Variants in STAU2 observed in about 807,000 individuals in gnomAD.
The protein encoded by STAU2 is staufen double-stranded RNA binding protein 2, also known as double-stranded RNA-binding protein Staufen homolog 2.
Under a neutral mutation model 65.9 loss-of-function variants are expected in STAU2, and 20 were observed. The ratio of observed to expected loss-of-function variants is 0.30; its 90% CI spans 0.21 to 0.44. STAU2 has a LOEUF of 0.44. Among genes scored for constraint, STAU2 ranks in the 20% least tolerant of loss-of-function variants. The pLI is 1.00. For synonymous variants in STAU2, 232 were observed against 233.9 expected, an observed-to-expected ratio of 0.99 and a Z score of 0.07; for missense variants, 558 against 683.9, an observed-to-expected ratio of 0.82 and a Z score of 2.05.
chr8:73,508,509 T>C (rs1284029983), intron 13 of STAU2, among the ~76,000 whole-genome samples: 1 of 152,128 alleles, frequency 6.6e-6, no homozygotes, highest in Non-Finnish European at 1.5e-5. Flanking sequence ...TGATCACAGA[T>C]TACCATAACA....
intron 13 of STAU2, among the ~76,000 whole-genome samples, chr8:73,547,087 G>A (rs913858821): frequency 6.6e-5 from 10 of 152,000 alleles, no homozygotes; most frequent in Admixed American, 4.6e-4. Flanking sequence ...TATCATGATG[G>A]CTCATTTCAG....
intron 13 of STAU2, among the ~76,000 whole-genome samples, chr8:73,516,705 A>C (rs1822747066): frequency 6.6e-6 from 1 of 152,196 alleles, no homozygotes; most frequent in Non-Finnish European, 1.5e-5. Context: ...ACCGCTTTTC[A>C]GTTTTAAATA....
At chr8:73,692,586 T>C (rs1375854759) in intron 4 of STAU2, among the ~76,000 whole-genome samples, 1 of 152,152 alleles carries the variant, frequency 6.6e-6, no homozygotes, top group African/African-American at 2.4e-5. Flanking sequence ...TTCCCCTGAG[T>C]CTTGTGAGCT....
chr8:73,720,892 G>C (rs1821608902), intron 3 of STAU2, among the ~76,000 whole-genome samples: 1 of 151,646 alleles, frequency 6.6e-6, no homozygotes, highest in Non-Finnish European at 1.5e-5. Context: ...CAAATATTTA[G>C]AGATTTCCCA....
chr8:73,420,851 G>A lies in STAU2; in HGVS notation c.*521C>T, dbSNP rs1267034510. The A allele has an allele frequency of 1.3e-5, 2 of 155,790 alleles. No individual in the cohort carries two copies. Among genetic ancestry groups the A allele is most frequent in the African/African-American group, 4.8e-5 (2 of 41,460 alleles). 9.7% of individuals were successfully genotyped at this position (155,790 alleles called of 1,614,324 possible). ...ATAGTTATTCCTACTGATATAGGAT[G>A]AAGATTATAAATATCTGCATAAAAA... On this transcript the variant is annotated 3_prime_UTR_variant, in exon 15 of 15. Coordinates refer to ENST00000524300, the MANE Select transcript of STAU2 (RefSeq NM_001164380.2).
chr8:73,663,924 CT>C (rs1817036775), intron 6 of STAU2, among the ~76,000 whole-genome samples: 1 of 152,088 alleles, frequency 6.6e-6, no homozygotes, highest in African/African-American at 2.4e-5. Flanking sequence ...CTTTTCAGTA[CT>C]TTTGATTTAT....
intron 13 of STAU2, among the ~76,000 whole-genome samples, chr8:73,532,062 C>T (rs1376211833): frequency 2.0e-5 from 3 of 152,082 alleles, no homozygotes; most frequent in Admixed American, 6.6e-5. Context: ...AACTGAATTC[C>T]CAGCCATGAC....
intron 13 of STAU2, among the ~76,000 whole-genome samples, chr8:73,493,914 A>G (rs1446382448): frequency 6.6e-6 from 1 of 151,838 alleles, no homozygotes; most frequent in Non-Finnish European, 1.5e-5. Context: ...GAAAGAAACA[A>G]ATTATGGATA....
At chr8:73,456,211 G>A (rs955279649) in intron 13 of STAU2, among the ~76,000 whole-genome samples, 17 of 152,304 alleles carry the variant, frequency 1.1e-4, no homozygotes, top group South Asian at 2.1e-4. Context: ...ATAAATAAAT[G>A]TGCCGCAGGA....
intron 6 of STAU2, among the ~76,000 whole-genome samples, chr8:73,620,623 G>A (rs1813156942): frequency 6.6e-6 from 1 of 152,146 alleles, no homozygotes; most frequent in Non-Finnish European, 1.5e-5. Context: ...CTCAATGTAT[G>A]TGTATGTGCA....
intron 6 of STAU2, among the ~76,000 whole-genome samples, chr8:73,659,222 T>C (rs1164858934): frequency 2.0e-5 from 3 of 152,154 alleles, no homozygotes; most frequent in Admixed American, 2.0e-4. Context: ...CCCACGTATT[T>C]ATATGTCACA....
At chr8:73,709,745 T>C (rs974864577) in intron 3 of STAU2, among the ~76,000 whole-genome samples, 2 of 152,036 alleles carry the variant, frequency 1.3e-5, no homozygotes, top group African/African-American at 4.8e-5. Flanking sequence ...CCCATGTACC[T>C]AACACCCAGT....
chr8:73,711,364 A>C (rs1231332826), intron 3 of STAU2, among the ~76,000 whole-genome samples: 1 of 152,106 alleles, frequency 6.6e-6, no homozygotes, highest in African/African-American at 2.4e-5. Context: ...GCATGAATTC[A>C]AGTGCAACAG....
chr8:73,436,112 G>A (rs994354134), intron 13 of STAU2, among the ~76,000 whole-genome samples: 2 of 151,970 alleles, frequency 1.3e-5, no homozygotes, highest in African/African-American at 2.4e-5. Context: ...CTTACATTAC[G>A]GTTATTTCAT....
At chr8:73,645,178 A>G (rs942910205) in intron 6 of STAU2, among the ~76,000 whole-genome samples, 8 of 152,190 alleles carry the variant, frequency 5.3e-5, no homozygotes, top group African/African-American at 1.9e-4. Context: ...ATGACTATAG[A>G]GACAAAAAAC....
chr8:73,474,701 T>C lies in STAU2; in HGVS notation c.1531-51999A>G, dbSNP rs80353116. Among the ~76,000 whole-genome samples, 793 of 152,306 alleles carry C rather than the reference T, an allele frequency of 5.2e-3. 12 individuals carry two copies. Among genetic ancestry groups the C allele is most frequent in the African/African-American group, 0.018 (768 of 41,566 alleles). ...TGAATTTAAGTTAATCCCTGCCTTC[T>C]GATATTTATACAGCTTATTTTTATT... is the stretch of plus-strand genomic sequence containing the variant. On this transcript the variant is annotated intron_variant, in intron 13 of 14. Transcript: ENST00000524300.
At chr8:73,566,695 A>G (rs899701165) in intron 12 of STAU2, among the ~76,000 whole-genome samples, 5 of 152,136 alleles carry the variant, frequency 3.3e-5, no homozygotes, top group Admixed American at 3.3e-4. Flanking sequence ...GTGTCTTTAG[A>G]CCCGTTATAA....
intron 6 of STAU2, among the ~76,000 whole-genome samples, chr8:73,619,770 T>A (rs933328269): frequency 1.3e-5 from 2 of 151,716 alleles, no homozygotes; most frequent in Non-Finnish European, 1.5e-5. Context: ...GTGAAAGAGA[T>A]GAAAAAGGGT....
chr8:73,566,411 A>G (rs1278562914), intron 12 of STAU2, among the ~76,000 whole-genome samples: 1 of 152,204 alleles, frequency 6.6e-6, no homozygotes, highest in African/African-American at 2.4e-5. Context: ...CCAAATATCA[A>G]TCTGGTATCT....
Sources: allele counts gnomAD v4.1 joint callset (sites outside exome capture counted in the v4.1 genomes callset), GRCh38; gene constraint gnomAD v4.1.1; transcripts MANE v1.5; gene names NCBI Gene and HGNC (gene_info 2026-07-23, HGNC 2026-07-21).